VPS13B: variants seen among roughly 807,000 people sequenced by gnomAD.
VPS13B encodes the protein intermembrane lipid transfer protein VPS13B.
Under a neutral mutation model 426.4 loss-of-function variants are expected in VPS13B, and 285 were observed. The observed-to-expected ratio is 0.67, with a 90% CI of 0.61 to 0.74. VPS13B has a LOEUF of 0.74. Among genes scored for constraint, VPS13B ranks in the 30% least tolerant of loss-of-function variants. VPS13B has a pLI of 0.00. For synonymous variants in VPS13B, 1,676 were observed against 1,676.4 expected (o/e 1.00, Z 0.01); for missense variants, 4,537 against 4,782.6 (o/e 0.95, Z 1.51).
At chr8:99,048,264 C>T (rs899153908) in intron 3 of VPS13B, among the ~76,000 whole-genome samples, 1 of 152,048 alleles carries the variant, frequency 6.6e-6, no homozygotes, top group Admixed American at 6.5e-5. Context: ...GTTCTGTGGC[C>T]TCTCATATGG....
intron 19 of VPS13B, among the ~76,000 whole-genome samples, chr8:99,378,807 A>AT (rs1215266430): frequency 2.0e-5 from 3 of 152,058 alleles, no homozygotes; most frequent in East Asian, 1.9e-4. Context: ...CTTCTTGCTG[A>AT]TTTTTTTGTT....
chr8:99,458,369 T>A (rs371920364), intron 23 of VPS13B, among the ~76,000 whole-genome samples: 10 of 140,814 alleles, frequency 7.1e-5, no homozygotes, highest in African/African-American at 1.7e-4. Flanking sequence ...ATAGTGCCGC[T>A]ATAAACATAC....
intron 30 of VPS13B, among the ~76,000 whole-genome samples, chr8:99,528,813 T>C (rs866513570): frequency 6.6e-6 from 1 of 152,104 alleles, no homozygotes; most frequent in Non-Finnish European, 1.5e-5. Context: ...TTTTTAGAAG[T>C]AATAAAGAGA....
intron 33 of VPS13B, among the ~76,000 whole-genome samples, chr8:99,640,007 T>TAAG (rs1212185455): frequency 1.2e-3 from 95 of 76,208 alleles, no homozygotes; most frequent in Middle Eastern, 4.8e-3. Flanking sequence ...ATAATAATAA[T>TAAG]AATAATAATA....
chr8:99,700,377 C>A (rs1461417307), intron 36 of VPS13B, among the ~76,000 whole-genome samples: 1 of 152,196 alleles, frequency 6.6e-6, no homozygotes, highest in African/African-American at 2.4e-5. Context: ...GGCATGGAGC[C>A]CAGCAATCTG....
intron 43 of VPS13B, among the ~76,000 whole-genome samples, chr8:99,791,960 C>T (rs1300615882): frequency 1.3e-5 from 2 of 151,922 alleles, no homozygotes; most frequent in South Asian, 2.1e-4. Flanking sequence ...AAGAGAAAAC[C>T]CTGGAGAGGA....
intron 36 of VPS13B, among the ~76,000 whole-genome samples, chr8:99,714,518 G>T (rs984486957): frequency 6.6e-6 from 1 of 152,094 alleles, no homozygotes; most frequent in Non-Finnish European, 1.5e-5. Context: ...ATCTCCAAGT[G>T]TCTCCCCACA....
chr8:99,203,549 A>G (rs979083106), intron 17 of VPS13B, among the ~76,000 whole-genome samples: 2 of 152,194 alleles, frequency 1.3e-5, no homozygotes, highest in East Asian at 1.9e-4. Context: ...AGGGTATTCA[A>G]ACAGGAAGAG....
intron 21 of VPS13B, among the ~76,000 whole-genome samples, chr8:99,423,642 C>T (rs1399760902): frequency 1.3e-5 from 2 of 152,010 alleles, no homozygotes; most frequent in African/African-American, 4.8e-5. Context: ...CCTATTTTCC[C>T]CATATATAAA....
intron 33 of VPS13B, among the ~76,000 whole-genome samples, chr8:99,603,353 T>A (rs547728654): frequency 6.6e-6 from 1 of 152,354 alleles, no homozygotes; most frequent in African/African-American, 2.4e-5. Context: ...CCTATGTTTT[T>A]CCTGCACATA....
intron 31 of VPS13B, among the ~76,000 whole-genome samples, chr8:99,568,580 C>A (rs1258122654): frequency 6.6e-6 from 1 of 152,056 alleles, no homozygotes; most frequent in Non-Finnish European, 1.5e-5. Flanking sequence ...TATGAGTCAC[C>A]ATGCCTGGCC....
intron 19 of VPS13B, among the ~76,000 whole-genome samples, chr8:99,334,901 T>A (rs1425361698): frequency 3.9e-5 from 6 of 152,120 alleles, no homozygotes; most frequent in Non-Finnish European, 8.8e-5. Context: ...TTCCCTCTTT[T>A]TCTGTTGATT....
chr8:99,458,415 A>G (rs549077753), intron 23 of VPS13B, among the ~76,000 whole-genome samples: 2 of 152,174 alleles, frequency 1.3e-5, no homozygotes, highest in Admixed American at 6.5e-5. Context: ...ATGATTTATA[A>G]TCCTTTGGGT....
chr8:99,758,945 A>G (rs1000799499), intron 39 of VPS13B, among the ~76,000 whole-genome samples: 3 of 152,092 alleles, frequency 2.0e-5, no homozygotes, highest in African/African-American at 4.8e-5. Flanking sequence ...GGCCAGGAGG[A>G]TAAGTGTTCT....
At position 99,875,763 on chromosome 8, in the gene VPS13B, TG is replaced by T; in HGVS notation, c.*101del. The T allele has an allele frequency of 6.5e-7, 1 of 1,534,480 alleles. No homozygotes were observed. Among genetic ancestry groups the T allele is most frequent in the Non-Finnish European group, 8.9e-7 (1 of 1,120,334 alleles). On this transcript the variant is annotated 3_prime_UTR_variant, in exon 62 of 62. Coordinates refer to ENST00000357162, the MANE Select transcript of VPS13B (RefSeq NM_152564.5). The stretch of plus-strand genomic sequence containing the variant: ...CATTGCCCTTGCTGACCTCAAATTC[TG>T]GGGTTCAAGCAATCCTCCCACCTCA...
chr8:99,013,842 C>G lies in VPS13B; in HGVS notation c.54C>G (p.Ile18Met). 1 of 1,614,166 alleles carries G rather than the reference C, an allele frequency of 6.2e-7. No homozygotes were observed. Among genetic ancestry groups the G allele is most frequent in the Non-Finnish European group, 8.5e-7 (1 of 1,180,036 alleles). Residue 18 changes from isoleucine (I) to methionine (M), a missense_variant, in exon 2 of 62, where the codon ATC (isoleucine) becomes ATG (methionine). By Grantham distance (10) the Ile-to-Met change is conservative. Around this residue, in one of 2 missense-constraint regions of VPS13B, gnomAD observed 226 missense variants for 308.3 expected, o/e 0.73. Transcript: ENST00000357162. Reference sequence around the variant, plus strand: ...TAATGAGCTATGTGAATCGCTACATCAAGAACTTAAAGCCGTCGGATCTAC... The same window carrying G: ...TAATGAGCTATGTGAATCGCTACATGAAGAACTTAAAGCCGTCGGATCTAC... ...PILMSYVNRY[I>M]KNLKPSDLQL... is the part of the protein sequence containing the mutation.
chr8:99,838,109 T>C (rs1395636344), intron 54 of VPS13B, among the ~76,000 whole-genome samples: 2 of 152,176 alleles, frequency 1.3e-5, no homozygotes, highest in African/African-American at 4.8e-5. Context: ...CCTGCTAACA[T>C]GTAGGCTGCA....
chr8:99,657,676 TTATC>T (rs1443639965), intron 34 of VPS13B, among the ~76,000 whole-genome samples: 2 of 152,180 alleles, frequency 1.3e-5, no homozygotes, highest in Non-Finnish European at 2.9e-5. Context: ...TATTTTATAT[TTATC>T]TATAGATAGA....
chr8:99,311,428 C>G (rs185242131), intron 19 of VPS13B, among the ~76,000 whole-genome samples: 2 of 152,258 alleles, frequency 1.3e-5, no homozygotes, highest in African/African-American at 4.8e-5. Flanking sequence ...TCGTTATATA[C>G]CCAGTAGTCA....
Sources: gnomAD v4.1 joint callset for allele counts (sites outside exome capture counted in the v4.1 genomes callset) on GRCh38, gnomAD v4.1.1 for gene constraint, gnomAD v4.1.1 regional missense constraint, MANE v1.5 for transcripts, NCBI Gene and HGNC (gene_info 2026-07-23, HGNC 2026-07-21) for gene names.